Variants in NTNG1 observed in about 807,000 individuals in gnomAD.
The protein encoded by NTNG1 is netrin G1, also known as netrin-G1.
In NTNG1, 16 loss-of-function variants were observed where a neutral mutation model predicts 54.0. The ratio of observed to expected loss-of-function variants is 0.30; its 90% CI spans 0.20 to 0.45. The LOEUF (loss-of-function observed/expected upper bound fraction) is 0.45. Among genes scored for constraint, NTNG1 ranks in the 20% least tolerant of loss-of-function variants. The pLI is 1.00. For synonymous variants in NTNG1, 255 were observed against 263.1 expected (o/e 0.97, Z 0.30); for missense variants, 530 against 678.7 (o/e 0.78, Z 2.43).
chr1:107,239,958 A>C (rs1661709820), intron 2 of NTNG1, among the ~76,000 whole-genome samples: 1 of 152,334 alleles, frequency 6.6e-6, no homozygotes, highest in Admixed American at 6.5e-5. Flanking sequence ...CACACAGATC[A>C]TCAGTTACAC....
intron 7 of NTNG1, among the ~76,000 whole-genome samples, chr1:107,455,435 G>A (rs754054461): frequency 9.2e-5 from 14 of 152,228 alleles, no homozygotes; most frequent in Non-Finnish European, 1.8e-4. Flanking sequence ...TGGTGCTCAG[G>A]ATCAAGTGAA....
rs552371809 is a variant in NTNG1, at chr1:107,265,690, T to G, written c.247-58592T>G. Among the ~76,000 whole-genome samples, 3 of 152,360 alleles carry G rather than the reference T, an allele frequency of 2.0e-5. No homozygotes were observed. In the East Asian group the frequency reaches 5.8e-4, roughly 29 times the overall value. On this transcript the variant is annotated intron_variant, in intron 2 of 7. Transcript: ENST00000370068. ...AAATTTTCAGTATAAGAAATTGAAATTATAAGAATTATGGGTTTATACATG... is the reference window on the plus strand; with the variant it reads ...AAATTTTCAGTATAAGAAATTGAAAGTATAAGAATTATGGGTTTATACATG...
At chr1:107,386,886 A>G (rs1366907377) in intron 3 of NTNG1, among the ~76,000 whole-genome samples, 6 of 152,132 alleles carry the variant, frequency 3.9e-5, no homozygotes, top group African/African-American at 1.4e-4. Context: ...GAGGATTCCA[A>G]TTTCTCCACA....
intron 7 of NTNG1, among the ~76,000 whole-genome samples, chr1:107,477,817 T>TA (rs1460423917): frequency 6.6e-6 from 1 of 152,196 alleles, no homozygotes; most frequent in African/African-American, 2.4e-5. Context: ...GACAGTTAGT[T>TA]ACAACCATAA....
chr1:107,256,578 G>C (rs1384095026), intron 2 of NTNG1, among the ~76,000 whole-genome samples: 3 of 152,190 alleles, frequency 2.0e-5, no homozygotes, highest in African/African-American at 7.2e-5. Flanking sequence ...TGTCCCAAGG[G>C]AAGACAGAAT....
chr1:107,397,232 G>T (rs891427123), intron 4 of NTNG1, among the ~76,000 whole-genome samples: 1 of 152,160 alleles, frequency 6.6e-6, no homozygotes, highest in Non-Finnish European at 1.5e-5. Flanking sequence ...AAAATAGGCA[G>T]GTGATGGATG....
chr1:107,327,042 C>T (rs1320828635), intron 3 of NTNG1, among the ~76,000 whole-genome samples: 3 of 152,146 alleles, frequency 2.0e-5, no homozygotes, highest in Non-Finnish European at 1.5e-5. Flanking sequence ...GTTTGGAGGG[C>T]TCCTCCCTCC....
chr1:107,472,639 G>A (rs185510337), intron 7 of NTNG1, among the ~76,000 whole-genome samples: 87 of 152,252 alleles, frequency 5.7e-4, no homozygotes, highest in Middle Eastern at 6.8e-3. Flanking sequence ...GTTTTATGAC[G>A]CTCAGCCAAT....
At chr1:107,422,146 C>T (rs1570928761) in intron 5 of NTNG1, among the ~76,000 whole-genome samples, 1 of 152,110 alleles carries the variant, frequency 6.6e-6, no homozygotes, top group East Asian at 1.9e-4. Context: ...GTGCTTTTAA[C>T]CGTGGAACAT....
chr1:107,469,011 G>T (rs1023825626), intron 7 of NTNG1, among the ~76,000 whole-genome samples: 1 of 149,228 alleles, frequency 6.7e-6, no homozygotes, highest in Non-Finnish European at 1.5e-5. Flanking sequence ...CAGGAGAATC[G>T]CTTGAATCCC....
intron 6 of NTNG1, among the ~76,000 whole-genome samples, 189 bp downstream of exon 6, chr1:107,431,106 A>G (rs1160899344): frequency 6.6e-6 from 1 of 152,130 alleles, no homozygotes; most frequent in Non-Finnish European, 1.5e-5. Flanking sequence ...TGGGGGATAT[A>G]CTTTGAACCC....
intron 3 of NTNG1, among the ~76,000 whole-genome samples, chr1:107,379,560 G>A (rs1055684984): frequency 8.5e-5 from 13 of 152,262 alleles, no homozygotes; most frequent in African/African-American, 3.1e-4. Context: ...CTGTTACAAA[G>A]AACTCTGCAA....
intron 2 of NTNG1, among the ~76,000 whole-genome samples, chr1:107,163,043 A>G (rs762880000): frequency 6.6e-6 from 1 of 152,204 alleles, no homozygotes; most frequent in Non-Finnish European, 1.5e-5. Flanking sequence ...ATCAGTACAC[A>G]TTTTGTACAT....
At chr1:107,175,683 T>C (rs1434300155) in intron 2 of NTNG1, among the ~76,000 whole-genome samples, 1 of 152,116 alleles carries the variant, frequency 6.6e-6, no homozygotes, top group Non-Finnish European at 1.5e-5. Context: ...TATTATGTAA[T>C]TTGAAACAAA....
At chr1:107,340,947 T>C (rs553499587) in intron 3 of NTNG1, among the ~76,000 whole-genome samples, 107 of 152,168 alleles carry the variant, frequency 7.0e-4, no homozygotes, top group Middle Eastern at 3.4e-3. Context: ...AACTAAGTAG[T>C]GGTTATTACC....
chr1:107,149,543 G>A (rs1249648424), intron 2 of NTNG1, among the ~76,000 whole-genome samples: 2 of 152,050 alleles, frequency 1.3e-5, no homozygotes, highest in African/African-American at 4.8e-5. Flanking sequence ...ACTTTTTTTT[G>A]ATGAGCAAAG....
At chr1:107,176,952 CA>C (rs1257526032) in intron 2 of NTNG1, among the ~76,000 whole-genome samples, 1 of 152,124 alleles carries the variant, frequency 6.6e-6, no homozygotes, top group African/African-American at 2.4e-5. Flanking sequence ...GCCAGTAGCA[CA>C]CACATCCAGT....
chr1:107,160,174 T>C (rs1191181531), intron 2 of NTNG1, among the ~76,000 whole-genome samples: 1 of 152,172 alleles, frequency 6.6e-6, no homozygotes, highest in Non-Finnish European at 1.5e-5. Context: ...TTAAACTTAA[T>C]GTGTTTATTA....
At chr1:107,356,963 A>G (rs1298384021) in intron 3 of NTNG1, among the ~76,000 whole-genome samples, 2 of 152,160 alleles carry the variant, frequency 1.3e-5, no homozygotes, top group African/African-American at 4.8e-5. Flanking sequence ...GGATCATGCC[A>G]CTGCACTCCA....
Sources: gnomAD v4.1 joint callset for allele counts (sites outside exome capture counted in the v4.1 genomes callset) on GRCh38, gnomAD v4.1.1 for gene constraint, MANE v1.5 for transcripts, NCBI Gene and HGNC (gene_info 2026-07-23, HGNC 2026-07-21) for gene names.